Variants in IMMP2L observed in about 807,000 individuals in gnomAD.
The protein encoded by IMMP2L is inner mitochondrial membrane peptidase subunit 2, also known as mitochondrial inner membrane protease subunit 2.
IMMP2L carries 18 observed loss-of-function variants against 19.3 expected under a neutral mutation model. The ratio of observed to expected loss-of-function variants is 0.93; its 90% CI spans 0.64 to 1.38. The LOEUF is 1.38. Ranked by LOEUF, IMMP2L falls within the 40% of genes most tolerant of loss-of-function variation. The probability of loss-of-function intolerance (pLI) is 0.00; values close to 1 mark genes in which losing one functional copy is unlikely to be tolerated. For missense variants in IMMP2L, 233 were observed against 218.2 expected (o/e 1.07, Z -0.43); for synonymous variants, 76 against 73.0 (o/e 1.04, Z -0.21).
chr7:111,467,037 T>C (rs2132063741), intron 3 of IMMP2L, among the ~76,000 whole-genome samples: 1 of 152,026 alleles, frequency 6.6e-6, no homozygotes, highest in Admixed American at 6.6e-5. Flanking sequence ...GAGCTAAGAG[T>C]AGTAGCAGGA....
chr7:111,111,942 G>GTTTTTTT (rs748410980), intron 3 of IMMP2L, among the ~76,000 whole-genome samples: 141 of 84,122 alleles, frequency 1.7e-3, no homozygotes, highest in Non-Finnish European at 2.0e-3. Context: ...TATATAGTTT[G>GTTTTTTT]TTTTTTTTTT....
intron 4 of IMMP2L, among the ~76,000 whole-genome samples, chr7:110,946,882 G>A (rs978684055): frequency 2.0e-5 from 3 of 151,604 alleles, no homozygotes; most frequent in Non-Finnish European, 4.4e-5. Flanking sequence ...CACCACACCC[G>A]GCTAATTTTT....
At chr7:111,493,927 G>A (rs1396253123) in intron 2 of IMMP2L, among the ~76,000 whole-genome samples, 1 of 151,484 alleles carries the variant, frequency 6.6e-6, no homozygotes, top group Non-Finnish European at 1.5e-5. Context: ...GTGAACCCAG[G>A]AGGCGGGGCT....
intron 3 of IMMP2L, among the ~76,000 whole-genome samples, chr7:111,089,474 A>C (rs2129577599): frequency 6.6e-6 from 1 of 152,290 alleles, no homozygotes; most frequent in Non-Finnish European, 1.5e-5. Context: ...TAAATCCTGC[A>C]GATACTGAAA....
Position 110,877,518 on chromosome 7 carries a change from A to G in IMMP2L, c.408+9075T>C, listed in dbSNP as rs1427310200. Among the ~76,000 whole-genome samples, 1 of 152,168 alleles carries G rather than the reference A, an allele frequency of 6.6e-6. No individual in the cohort carries two copies. The highest frequency in any genetic ancestry group is 1.5e-5 in the Non-Finnish European group (1 of 68,038). On this transcript the variant is annotated intron_variant, in intron 5 of 5. Transcript: ENST00000405709. This position sits in a 1 kb window ranked among gnomAD's most constrained non-coding sequence, Gnocchi z 4.0. ...TGACAGCCTGTGCCAAAATACAAAA[A>G]TGCAAAACCAAATGGTGAATTTATG...
At chr7:111,499,937 G>A (rs1844004378) in intron 2 of IMMP2L, among the ~76,000 whole-genome samples, 1 of 152,142 alleles carries the variant, frequency 6.6e-6, no homozygotes, top group Admixed American at 6.5e-5. Context: ...CATCTCACTA[G>A]GGAGTGCCAG....
chr7:111,550,811 T>C (rs1324040174), intron 1 of IMMP2L, among the ~76,000 whole-genome samples: 1 of 152,100 alleles, frequency 6.6e-6, no homozygotes, highest in Non-Finnish European at 1.5e-5. Flanking sequence ...AGCCTGCTTA[T>C]CCTCTAATGG....
chr7:111,242,095 A>G (rs1320205420), intron 3 of IMMP2L, among the ~76,000 whole-genome samples: 1 of 152,116 alleles, frequency 6.6e-6, no homozygotes, highest in Non-Finnish European at 1.5e-5. Context: ...AATGAAGGTT[A>G]AAATGAAAAC....
intron 5 of IMMP2L, among the ~76,000 whole-genome samples, chr7:110,819,714 T>C (rs1188774953): frequency 2.0e-5 from 3 of 152,074 alleles, no homozygotes; most frequent in African/African-American, 4.8e-5. Flanking sequence ...ATGTGAATTT[T>C]AGAGCTAGAG....
At chr7:110,840,772 C>T (rs998835714) in intron 5 of IMMP2L, among the ~76,000 whole-genome samples, 1 of 152,016 alleles carries the variant, frequency 6.6e-6, no homozygotes, top group African/African-American at 2.4e-5. Flanking sequence ...CACATATATA[C>T]TCATTTTATG....
At position 111,528,292 on chromosome 7, in the gene IMMP2L, A is replaced by G. The variant is rs541723207; in HGVS notation, c.-2-6843T>C. On this transcript the variant is annotated intron_variant, in intron 1 of 5. Coordinates refer to ENST00000405709, the MANE Select transcript of IMMP2L (RefSeq NM_032549.4). Reference sequence around the variant, plus strand: ...CCTCTGGGAAAATTTCATCTAAGCAATAACAATCAGGTACTAAAATCACCC... The same window carrying G: ...CCTCTGGGAAAATTTCATCTAAGCAGTAACAATCAGGTACTAAAATCACCC... Among the ~76,000 whole-genome samples the G allele has an allele frequency of 1.0e-3, 158 of 152,234 alleles. 1 individual carries two copies. The highest frequency in any genetic ancestry group is 2.0e-3 in the Non-Finnish European group (137 of 68,006).
chr7:111,435,952 G>A (rs527418753), intron 3 of IMMP2L, among the ~76,000 whole-genome samples: 4 of 151,762 alleles, frequency 2.6e-5, no homozygotes, highest in East Asian at 3.9e-4. Flanking sequence ...AATTTCCTCC[G>A]CATACTTCCT....
At chr7:111,210,937 C>A (rs979324041) in intron 3 of IMMP2L, among the ~76,000 whole-genome samples, 2 of 151,976 alleles carry the variant, frequency 1.3e-5, no homozygotes, top group Non-Finnish European at 2.9e-5. Context: ...TGGACCTACC[C>A]TGGATAAAAG....
chr7:111,056,566 T>A (rs1017752992), intron 3 of IMMP2L, among the ~76,000 whole-genome samples: 2 of 152,208 alleles, frequency 1.3e-5, no homozygotes, highest in African/African-American at 4.8e-5. Context: ...GGGTTAGAGT[T>A]GCTGACTCTG....
intron 3 of IMMP2L, among the ~76,000 whole-genome samples, chr7:111,367,598 A>G (rs1401611021): frequency 3.9e-5 from 6 of 151,960 alleles, no homozygotes; most frequent in East Asian, 1.9e-4. Flanking sequence ...GATATTCATT[A>G]TATCTTTCAA....
chr7:111,311,621 A>T (rs1823527216), intron 3 of IMMP2L, among the ~76,000 whole-genome samples: 1 of 152,086 alleles, frequency 6.6e-6, no homozygotes, highest in South Asian at 2.1e-4. Context: ...CCCTCATTTC[A>T]TTTAAGGGCT....
At chr7:110,910,584 T>C (rs1048085422) in intron 4 of IMMP2L, among the ~76,000 whole-genome samples, 1 of 152,146 alleles carries the variant, frequency 6.6e-6, no homozygotes, top group African/African-American at 2.4e-5. Flanking sequence ...TGTTATCATA[T>C]TATTACATGT....
At chr7:111,271,074 T>A (rs1818409746) in intron 3 of IMMP2L, among the ~76,000 whole-genome samples, 1 of 152,164 alleles carries the variant, frequency 6.6e-6, no homozygotes, top group Non-Finnish European at 1.5e-5. Context: ...GGTAATTTAA[T>A]CACGGGGACA....
chr7:111,405,458 G>A (rs1833824604), intron 3 of IMMP2L, among the ~76,000 whole-genome samples: 1 of 151,918 alleles, frequency 6.6e-6, no homozygotes, highest in Non-Finnish European at 1.5e-5. Flanking sequence ...TCTCTAAAAA[G>A]TTATGAACAT....
Sources: gnomAD v4.1 joint callset for allele counts (sites outside exome capture counted in the v4.1 genomes callset) on GRCh38, gnomAD v4.1.1 for gene constraint, Gnocchi (gnomAD v3.1) non-coding constraint, MANE v1.5 for transcripts, NCBI Gene and HGNC (gene_info 2026-07-23, HGNC 2026-07-21) for gene names.